NEBL: variants seen among roughly 807,000 people sequenced by gnomAD.
NEBL encodes nebulette.
In NEBL, 122 loss-of-function variants were observed where a neutral mutation model predicts 140.2. The observed-to-expected ratio is 0.87, with a 90% CI of 0.75 to 1.01. The LOEUF (loss-of-function observed/expected upper bound fraction) is 1.01. Ranked by LOEUF, NEBL falls within the 50% of genes least tolerant of loss-of-function variation. NEBL has a pLI of 0.00. For missense variants in NEBL, 1,365 were observed against 1,231.3 expected (o/e 1.11, Z -1.62); for synonymous variants, 436 against 398.9 (o/e 1.09, Z -1.11).
chr10:20,961,364 A>G (rs1174448949), intron 4 of NEBL, among the ~76,000 whole-genome samples: 12 of 152,204 alleles, frequency 7.9e-5, no homozygotes, highest in Non-Finnish European at 1.6e-4. Context: ...GCTTATCCAC[A>G]GTCAAAACTT....
At chr10:21,144,399 G>A (rs1462554209) in intron 2 of NEBL, among the ~76,000 whole-genome samples, 1 of 152,172 alleles carries the variant, frequency 6.6e-6, no homozygotes, top group African/African-American at 2.4e-5. Flanking sequence ...TTGGCCAGTT[G>A]AGCCTCCCAA....
chr10:20,955,636 C>G (rs542132916), intron 4 of NEBL, among the ~76,000 whole-genome samples: 124 of 152,232 alleles, frequency 8.1e-4, no homozygotes, highest in African/African-American at 2.9e-3. Context: ...TAGACTTTAT[C>G]CTACTCAAAC....
rs1449227945 is a variant in NEBL at position 20,790,469 on chromosome 10, T to C, written c.2762-3161A>G. Among the ~76,000 whole-genome samples the C allele has an allele frequency of 1.1e-4, 16 of 150,102 alleles. 1 individual carries two copies. The highest frequency in any genetic ancestry group is 1.1e-3 in the Admixed American group (16 of 15,052). On this transcript the variant is annotated intron_variant, in intron 26 of 27. Coordinates refer to ENST00000377122, the MANE Select transcript of NEBL (RefSeq NM_006393.3). ...TACAAAAAATTAGCTGGGCGTGGGGTGTGTGCCTGTAATCCCAGCTACTCG... is the reference window on the plus strand; with the variant it reads ...TACAAAAAATTAGCTGGGCGTGGGGCGTGTGCCTGTAATCCCAGCTACTCG...
upstream of NEBL, among the ~76,000 whole-genome samples, chr10:20,900,495 T>C (rs1282763203): frequency 6.6e-6 from 1 of 151,476 alleles, no homozygotes; most frequent in Non-Finnish European, 1.5e-5. Flanking sequence ...CTGACCAACA[T>C]GGTCAAACCC....
intron 4 of NEBL, among the ~76,000 whole-genome samples, chr10:20,935,016 C>T (rs539498367): frequency 2.0e-5 from 3 of 152,244 alleles, no homozygotes; most frequent in African/African-American, 2.4e-5. Flanking sequence ...TTTATTTATT[C>T]GTTAAAACAC....
chr10:21,199,499 C>T (rs1841701123), intron 3 of NEBL, among the ~76,000 whole-genome samples: 1 of 152,028 alleles, frequency 6.6e-6, no homozygotes, highest in Non-Finnish European at 1.5e-5. Context: ...AGTGGAAGCC[C>T]CCTTAAATGT....
chr10:20,923,017 G>T (rs557938968), intron 4 of NEBL, among the ~76,000 whole-genome samples: 1 of 152,260 alleles, frequency 6.6e-6, no homozygotes, highest in African/African-American at 2.4e-5. Flanking sequence ...TTTGTTAAAT[G>T]AATGCATTCA....
chr10:21,076,444 CAAAAAAAAAA>C (rs56013237), intron 2 of NEBL, among the ~76,000 whole-genome samples: 103 of 50,060 alleles, frequency 2.1e-3, no homozygotes, highest in Non-Finnish European at 3.2e-3. Context: ...GACTCAGTTT[CAAAAAAAAAA>C]AAAAAAAAAA....
At chr10:20,860,400 C>G (rs1255054639) in intron 7 of NEBL, among the ~76,000 whole-genome samples, 1 of 151,892 alleles carries the variant, frequency 6.6e-6, no homozygotes, top group Non-Finnish European at 1.5e-5. Context: ...GGAAAACCAT[C>G]TCCAATACTC....
At chr10:20,934,907 A>T (rs1834396580) in intron 4 of NEBL, among the ~76,000 whole-genome samples, 1 of 152,212 alleles carries the variant, frequency 6.6e-6, no homozygotes, top group South Asian at 2.1e-4. Context: ...GGGAAGAGAG[A>T]TCTAGGACAG....
chr10:20,980,060 A>G (rs1279533128), intron 3 of NEBL, among the ~76,000 whole-genome samples: 1 of 150,952 alleles, frequency 6.6e-6, no homozygotes, highest in African/African-American at 2.4e-5. Flanking sequence ...ACAAAAAAAA[A>G]AAAACAAACC....
intron 4 of NEBL, among the ~76,000 whole-genome samples, chr10:20,947,078 AT>A (rs1450733749): frequency 6.6e-6 from 1 of 152,176 alleles, no homozygotes; most frequent in Non-Finnish European, 1.5e-5. Context: ...TATCTGAAGG[AT>A]TTACAGTTTA....
Position 21,069,808 on chromosome 10 carries a change from C to G in NEBL, c.165-49607G>C, listed in dbSNP as rs1391511217. The stretch of plus-strand genomic sequence containing the variant: ...ACATGTACATTATTATTGTATTCAT[C>G]TGATCATTATCTAACTGTATCTAAT... On this transcript the variant is annotated intron_variant, in intron 2 of 6. Coordinates refer to the NEBL transcript ENST00000417816. The G allele has an allele frequency of 8.6e-6, 3 of 348,702 alleles. No individual in the cohort carries two copies. The Admixed American group carries it at 1.2e-4, about 13-fold the overall frequency. 21.6% of individuals were successfully genotyped at this position (348,702 alleles called of 1,614,324 possible).
chr10:20,826,463 T>C lies in NEBL; in HGVS notation c.1853A>G (p.Gln618Arg). The C allele has an allele frequency of 6.2e-7, 1 of 1,611,772 alleles. No homozygotes were observed. Among genetic ancestry groups the C allele is most frequent in the Non-Finnish European group, 8.5e-7 (1 of 1,178,120 alleles). ...SPEIERVKKN[Q>R]QNISSVKYKE... ...AGAACTTACTGAACTAATATTCTGC[T>C]GATTTTTCTTCACTCGTTCGATCTC... Residue 618 changes from glutamine to arginine, a missense_variant, in exon 18 of 28, where the codon CAG (glutamine) becomes CGG (arginine). By Grantham distance (43) the Gln-to-Arg change is conservative. Around this residue, in one of 2 missense-constraint regions of NEBL, gnomAD observed 1,323 missense variants for 1,154.8 expected, o/e 1.15. Transcript: ENST00000377122.
intron 2 of NEBL, 152 bp from the exon 3 acceptor site, chr10:20,890,101 C>T (rs1846904218): frequency 1.6e-6 from 1 of 608,120 alleles, no homozygotes; most frequent in African/African-American, 1.9e-5. Context: ...AAATAAACGG[C>T]TATCCAGCAC....
chr10:21,137,473 G>A (rs988069801), intron 2 of NEBL, among the ~76,000 whole-genome samples: 12 of 152,204 alleles, frequency 7.9e-5, no homozygotes, highest in African/African-American at 2.9e-4. Flanking sequence ...TGGGCAAGTA[G>A]ACATCTGTAG....
At chr10:21,055,505 A>C (rs1834977085) in intron 2 of NEBL, among the ~76,000 whole-genome samples, 2 of 151,960 alleles carry the variant, frequency 1.3e-5, no homozygotes, top group South Asian at 4.2e-4. Context: ...AAACCCACCC[A>C]CCTGTTTTGC....
chr10:21,027,297 T>C (rs1833543798), intron 2 of NEBL, among the ~76,000 whole-genome samples: 1 of 103,320 alleles, frequency 9.7e-6, no homozygotes, highest in South Asian at 3.5e-4. Context: ...TAACGTATTA[T>C]CTTTAAAAAA....
chr10:21,029,824 A>G (rs1322018224), intron 2 of NEBL: 9 of 703,194 alleles, frequency 1.3e-5, no homozygotes, highest in Admixed American at 4.2e-5. Flanking sequence ...ATTCCTGGAT[A>G]GGCAGTGGCA....
Sources: allele counts gnomAD v4.1 joint callset (sites outside exome capture counted in the v4.1 genomes callset), GRCh38; gene constraint gnomAD v4.1.1; regional missense constraint gnomAD v4.1.1; transcripts MANE v1.5; gene names NCBI Gene and HGNC (gene_info 2026-07-23, HGNC 2026-07-21).